The following KATNIP variants were observed in gnomAD, a reference collection of about 807,000 sequenced individuals.
KATNIP encodes katanin interacting protein.
A neutral mutation model predicts 174.0 loss-of-function variants in KATNIP; 126 were observed. The ratio of observed to expected loss-of-function variants is 0.72; its 90% CI spans 0.63 to 0.84. The LOEUF (loss-of-function observed/expected upper bound fraction) is 0.84. Ranked by LOEUF, KATNIP falls within the 40% of genes least tolerant of loss-of-function variation. The pLI is 0.00. For missense variants in KATNIP, 1,958 were observed against 2,109.7 expected, an observed-to-expected ratio of 0.93 and a Z score of 1.41; for synonymous variants, 810 against 835.7, an observed-to-expected ratio of 0.97 and a Z score of 0.53.
At position 27,776,771 on chromosome 16, in the gene KATNIP, C is replaced by T. The variant is rs2082512575; in HGVS notation, c.4450-157C>T. 8 of 636,490 alleles carry T rather than the reference C, an allele frequency of 1.3e-5. No homozygotes were observed. Among genetic ancestry groups the T allele is most frequent in the Admixed American group, 7.5e-5 (3 of 39,764 alleles). 39.4% of individuals were successfully genotyped at this position (636,490 alleles called of 1,614,324 possible). On this transcript the variant is annotated intron_variant, in intron 24 of 27. Transcript: ENST00000261588. The surrounding 1 kb of genome is among the most constrained non-coding windows in gnomAD (Gnocchi z 4.7). ...ACGTGACCTGACTCAAGATGGGCTTCGAGGAGATGAAAGGGGGCGGAACTC... is the reference window on the plus strand; with the variant it reads ...ACGTGACCTGACTCAAGATGGGCTTTGAGGAGATGAAAGGGGGCGGAACTC...
At chr16:27,736,659 C>T (rs1290525587) in intron 14 of KATNIP, among the ~76,000 whole-genome samples, 2 of 152,188 alleles carry the variant, frequency 1.3e-5, no homozygotes, top group Non-Finnish European at 2.9e-5. Context: ...GAGAGGTCAG[C>T]AGGCACCCCT....
chr16:27,552,244 T>C (rs1055541989), intron 1 of KATNIP, among the ~76,000 whole-genome samples: 12 of 152,190 alleles, frequency 7.9e-5, no homozygotes, highest in Non-Finnish European at 1.3e-4. Flanking sequence ...TTGGCTGGTG[T>C]GTATGAAGAA....
intron 1 of KATNIP, among the ~76,000 whole-genome samples, chr16:27,555,572 C>A (rs570758848): frequency 2.0e-5 from 3 of 148,404 alleles, no homozygotes; most frequent in Admixed American, 2.0e-4. Flanking sequence ...CGGTGGCTCA[C>A]GCCTGTAATC....
intron 5 of KATNIP, chr16:27,632,565 A>G (rs1195770460): frequency 2.2e-6 from 1 of 452,430 alleles, no homozygotes; most frequent in South Asian, 1.6e-5. Flanking sequence ...GGAAACCCTC[A>G]CTGTGCATCC....
At chr16:27,715,758 G>A (rs1427904410) in intron 13 of KATNIP, among the ~76,000 whole-genome samples, 1 of 152,084 alleles carries the variant, frequency 6.6e-6, no homozygotes, top group Non-Finnish European at 1.5e-5. Flanking sequence ...ACACCCACTA[G>A]GACAGCTGTA....
chr16:27,724,999 C>T (rs1356281851), intron 14 of KATNIP, among the ~76,000 whole-genome samples: 1 of 152,132 alleles, frequency 6.6e-6, no homozygotes, highest in African/African-American at 2.4e-5. Flanking sequence ...TTCCCCCTAA[C>T]TTGGTGATTC....
intron 3 of KATNIP, among the ~76,000 whole-genome samples, chr16:27,624,383 G>T (rs2076274854): frequency 6.6e-6 from 1 of 152,146 alleles, no homozygotes; most frequent in Non-Finnish European, 1.5e-5. Flanking sequence ...ATCTGTGCAG[G>T]TGATCCCAAA....
chr16:27,713,836 ATATATATATATATATATATATC>A lies in KATNIP; in HGVS notation c.1605+4920_1605+4941del, dbSNP rs1263583118. On this transcript the variant is annotated intron_variant, in intron 13 of 27. Coordinates refer to ENST00000261588, the MANE Select transcript of KATNIP (RefSeq NM_015202.5). The stretch of plus-strand genomic sequence containing the variant: ...TATATATATATATATATATATATAT[ATATATATATATATATATATATC>A]TATCTCAGATTGTGCCCTTCCCCTA... 3.8e-3 allele frequency among the ~76,000 whole-genome samples: 293 copies of A among 76,768 alleles called. 6 individuals carry two copies. Among genetic ancestry groups the A allele is most frequent in the African/African-American group, 0.012 (211 of 17,106 alleles). The allele number at this position is 76,768 out of a possible 152,430, so 50.4% of individuals were successfully genotyped here.
At chr16:27,638,676 C>T (rs1258994721) in intron 5 of KATNIP, among the ~76,000 whole-genome samples, 3 of 152,034 alleles carry the variant, frequency 2.0e-5, no homozygotes, top group Non-Finnish European at 2.9e-5. Context: ...GCCACACGGT[C>T]GCCTTGTGTA....
At position 27,749,572 on chromosome 16, in the gene KATNIP, C is replaced by T. The variant is rs1479050954; in HGVS notation, c.2624-12C>T. 4.6e-6 allele frequency: 7 copies of T among 1,523,788 alleles called. No individual in the cohort carries two copies. The South Asian group carries it at 7.9e-5, about 17-fold the overall frequency. The allele number at this position is 1,523,788 out of a possible 1,614,324, so 94.4% of individuals were successfully genotyped here. On this transcript the variant is annotated splice_polypyrimidine_tract_variant and intron_variant, in intron 15 of 27. Coordinates refer to ENST00000261588, the MANE Select transcript of KATNIP (RefSeq NM_015202.5). Reference sequence around the variant, plus strand: ...TCACAGGGCTTCCCCCCTCTTGTGTCCTTTCTTCCAGAAGACACCTGGTCT... The same window carrying T: ...TCACAGGGCTTCCCCCCTCTTGTGTTCTTTCTTCCAGAAGACACCTGGTCT...
chr16:27,579,644 G>T (rs181188820), intron 2 of KATNIP, among the ~76,000 whole-genome samples: 71 of 151,814 alleles, frequency 4.7e-4, no homozygotes, highest in African/African-American at 1.7e-3. Flanking sequence ...CAGGCACCTG[G>T]GCCCCCAGGC....
intron 7 of KATNIP, among the ~76,000 whole-genome samples, chr16:27,678,301 C>T (rs1054297243): frequency 6.6e-6 from 1 of 152,196 alleles, no homozygotes; most frequent in Non-Finnish European, 1.5e-5. Context: ...AGCTAAGGGA[C>T]TATTTATTGA....
At chr16:27,683,969 A>G (rs2078436196) in intron 8 of KATNIP, among the ~76,000 whole-genome samples, 1 of 152,208 alleles carries the variant, frequency 6.6e-6, no homozygotes, top group African/African-American at 2.4e-5. Context: ...TAGAGCCCCT[A>G]GTAGGGCAGG....
chr16:27,589,637 CTTTTTATA>C (rs2075107439), intron 2 of KATNIP, among the ~76,000 whole-genome samples: 1 of 152,146 alleles, frequency 6.6e-6, no homozygotes, highest in Admixed American at 6.6e-5. Context: ...TAATTAACAG[CTTTTTATA>C]TTTTTGCCAG....
chr16:27,613,395 C>T (rs370138001), intron 2 of KATNIP, among the ~76,000 whole-genome samples: 23 of 152,314 alleles, frequency 1.5e-4, no homozygotes, highest in African/African-American at 3.6e-4. Flanking sequence ...TGACATCTCC[C>T]TCCTGGCAAA....
intron 1 of KATNIP, among the ~76,000 whole-genome samples, chr16:27,569,399 C>CT (rs1229836872): frequency 1.3e-5 from 2 of 151,784 alleles, no homozygotes; most frequent in African/African-American, 2.4e-5. Flanking sequence ...GCAGTCACTT[C>CT]TTTTTTTTTC....
chr16:27,703,802 T>C, intron 11 of KATNIP, 94 bp from the exon 12 acceptor site: 1 of 957,506 alleles, frequency 1.0e-6, no homozygotes, highest in Non-Finnish European at 1.7e-6. Context: ...CTTCAAATCA[T>C]TTCCTATCCC....
At chr16:27,589,353 G>A (rs1386102946) in intron 2 of KATNIP, among the ~76,000 whole-genome samples, 1 of 152,248 alleles carries the variant, frequency 6.6e-6, no homozygotes. Flanking sequence ...TGGGCCACAC[G>A]GTCTCTTGTC....
intron 2 of KATNIP, among the ~76,000 whole-genome samples, chr16:27,580,005 C>T (rs895878349): frequency 2.6e-5 from 4 of 151,966 alleles, no homozygotes; most frequent in Admixed American, 1.3e-4. Context: ...CAGGGTGCCT[C>T]CAGGGACGAG....
Sources: gnomAD v4.1 joint callset for allele counts (sites outside exome capture counted in the v4.1 genomes callset) on GRCh38, gnomAD v4.1.1 for gene constraint, Gnocchi (gnomAD v3.1) non-coding constraint, MANE v1.5 for transcripts, NCBI Gene and HGNC (gene_info 2026-07-23, HGNC 2026-07-21) for gene names.